Variants in DPEP1 observed in about 807,000 individuals in gnomAD.
DPEP1 encodes the protein dipeptidase 1.
In DPEP1, 50 loss-of-function variants were observed where a neutral mutation model predicts 42.3. The observed-to-expected ratio is 1.18, with a 90% confidence interval of 0.94 to 1.50. The LOEUF (loss-of-function observed/expected upper bound fraction) is 1.50, where lower values mean the gene tolerates loss of function less well. DPEP1 is among the 40% of genes most tolerant of loss of function. DPEP1 has a pLI of 0.00. For synonymous variants in DPEP1, 297 were observed against 234.0 expected (o/e 1.27, Z -2.46); for missense variants, 663 against 553.0 (o/e 1.20, Z -1.99).
intron 1 of DPEP1, chr16:89,616,761 C>G (rs1358721493): frequency 3.7e-6 from 1 of 273,600 alleles, no homozygotes; most frequent in Non-Finnish European, 7.2e-6. Context: ...CAGAGAGCGA[C>G]CAGGAAGCGG....
Position 89,637,833 on chromosome 16 carries a change from C to G in DPEP1, c.930-3C>G. ...GGCCCAGGTTCTCCTGGCCTCAACA[C>G]AGGGTCCCTGAGGGGCTGGAGGACG... On this transcript the variant is annotated splice_region_variant and splice_polypyrimidine_tract_variant and intron_variant, in intron 9 of 10. Coordinates refer to ENST00000690203, the MANE Select transcript of DPEP1 (RefSeq NM_001389466.1). The G allele has an allele frequency of 1.2e-6, 2 of 1,612,752 alleles. No homozygotes were observed. The highest frequency in any genetic ancestry group is 1.7e-6 in the Non-Finnish European group (2 of 1,179,894).
intron 1 of DPEP1, among the ~76,000 whole-genome samples, chr16:89,615,772 G>T (rs1402438985): frequency 3.3e-5 from 5 of 152,182 alleles, no homozygotes; most frequent in African/African-American, 9.6e-5. Context: ...AGCTGCAGCA[G>T]CCAGGCAGGC....
intron 1 of DPEP1, among the ~76,000 whole-genome samples, chr16:89,614,685 C>G (rs2059364689): frequency 6.6e-6 from 1 of 152,324 alleles, no homozygotes; most frequent in East Asian, 1.9e-4. Flanking sequence ...GTCCCAGCTA[C>G]TCGGGAGGCT....
rs781058936 is a variant in DPEP1 at position 89,638,142 on chromosome 16, G to A, written c.1156G>A (p.Gly386Arg). The change falls in exon 11 of 11, where the codon GGG becomes AGG. Residue 386 changes from glycine to arginine, a missense_variant. Coordinates refer to ENST00000690203, the MANE Select transcript of DPEP1 (RefSeq NM_001389466.1). ...CAGGACCCATTACGGCTACTCCTCT[G>A]GGGCTTCCAGCCTCCATCGCCACTG... is the stretch of plus-strand genomic sequence containing the variant. ...SCRTHYGYSSGASSLHRHWGL... is the reference protein window; with the variant it reads ...SCRTHYGYSSRASSLHRHWGL... 2.5e-6 allele frequency: 4 copies of A among 1,611,138 alleles called. No homozygotes were observed. The highest frequency in any genetic ancestry group is 3.4e-6 in the Non-Finnish European group (4 of 1,178,940).
chr16:89,641,519 A>G (rs2059742423), downstream of DPEP1, among the ~76,000 whole-genome samples: 1 of 152,224 alleles, frequency 6.6e-6, no homozygotes, highest in Non-Finnish European at 1.5e-5. Flanking sequence ...ATATTGGAAT[A>G]AAGAGTAATG....
At position 89,637,029 on chromosome 16, in the gene DPEP1, G is replaced by T. The variant is rs1002365396; in HGVS notation, c.591+94G>T. 1.4e-5 allele frequency: 22 copies of T among 1,556,248 alleles called. No homozygotes were observed. In the South Asian group the frequency reaches 2.1e-4, roughly 15 times the overall value. ...ATGCATCTCCTCACGTGGGACCTCA[G>T]TGTCCTTGTCTGTAAAATGGAGCTG... On this transcript the variant is annotated intron_variant, in intron 6 of 10. Coordinates refer to ENST00000690203, the MANE Select transcript of DPEP1 (RefSeq NM_001389466.1).
In DPEP1 at chr16:89,636,044, C is replaced by T. The variant is rs1442096550; in HGVS notation, c.237+4C>T. On this transcript the variant is annotated splice_donor_region_variant and intron_variant, in intron 3 of 10. Coordinates refer to ENST00000690203, the MANE Select transcript of DPEP1 (RefSeq NM_001389466.1). ...GGCCGGCTTTGTGGGAGGCCAGGTACCGCCTGCCCTGCCTTGTGCTTGCCC... is the reference window on the plus strand; with the variant it reads ...GGCCGGCTTTGTGGGAGGCCAGGTATCGCCTGCCCTGCCTTGTGCTTGCCC... The T allele has an allele frequency of 1.2e-6, 2 of 1,604,744 alleles. No homozygotes were observed. Among genetic ancestry groups the T allele is most frequent in the Admixed American group, 1.7e-5 (1 of 59,284 alleles).
At position 89,638,331 on chromosome 16, in the gene DPEP1, A is replaced by G; in HGVS notation, c.*109A>G. 5 of 1,437,690 alleles carry G rather than the reference A, an allele frequency of 3.5e-6. No individual in the cohort carries two copies. The Admixed American group carries it at 1.4e-4, about 41-fold the overall frequency. 89.1% of individuals were successfully genotyped at this position (1,437,690 alleles called of 1,614,324 possible). The stretch of plus-strand genomic sequence containing the variant: ...CTGCTGCCCACATGCAAGGACCAGC[A>G]TCTCCTGAGAGGACGCCTGGGCTTA... On this transcript the variant is annotated 3_prime_UTR_variant, in exon 11 of 11. Coordinates refer to ENST00000690203, the MANE Select transcript of DPEP1 (RefSeq NM_001389466.1).
At chr16:89,620,379 C>G (rs1177583680) in intron 1 of DPEP1, among the ~76,000 whole-genome samples, 1 of 152,122 alleles carries the variant, frequency 6.6e-6, no homozygotes, top group African/African-American at 2.4e-5. Flanking sequence ...CTCTCCATTT[C>G]TCAACCTGCT....
chr16:89,620,644 C>G (rs148743196), intron 1 of DPEP1: 2 of 152,330 alleles, frequency 1.3e-5, no homozygotes, highest in Admixed American at 1.3e-4. Flanking sequence ...TGGAGAGCTC[C>G]GTGGGTGGCA....
rs759994781 is a variant in DPEP1, at chr16:89,637,733, T to C, written c.929+26T>C. On this transcript the variant is annotated intron_variant, in intron 9 of 10. Coordinates refer to ENST00000690203, the MANE Select transcript of DPEP1 (RefSeq NM_001389466.1). ...GTAAGGGGCTGAGAGCTCTGTCCTGTGGATGAGCCGGGAGGTTCATGGCCT... is the reference window on the plus strand; with the variant it reads ...GTAAGGGGCTGAGAGCTCTGTCCTGCGGATGAGCCGGGAGGTTCATGGCCT... 24 of 1,612,786 alleles carry C rather than the reference T, an allele frequency of 1.5e-5. No homozygotes were observed. In the African/African-American group the frequency reaches 2.4e-4, roughly 16 times the overall value.
At chr16:89,620,011 C>G (rs2059429235) in intron 1 of DPEP1, among the ~76,000 whole-genome samples, 1 of 146,550 alleles carries the variant, frequency 6.8e-6, no homozygotes, top group South Asian at 2.3e-4. Context: ...CTGCTTGAAC[C>G]CACTGAGTAT....
intron 2 of DPEP1, among the ~76,000 whole-genome samples, chr16:89,630,853 G>A (rs967276436): frequency 4.6e-5 from 7 of 151,966 alleles, no homozygotes; most frequent in Non-Finnish European, 8.8e-5. Flanking sequence ...TGTGCCCTTG[G>A]GTTGGGGCTC....
At chr16:89,631,836 A>C (rs1209603546) in intron 2 of DPEP1, among the ~76,000 whole-genome samples, 1 of 152,068 alleles carries the variant, frequency 6.6e-6, no homozygotes, top group Admixed American at 6.6e-5. Flanking sequence ...CAGCCTGGGC[A>C]ACAGAGTGAG....
At chr16:89,639,863 G>T (rs916213148), downstream of DPEP1, among the ~76,000 whole-genome samples, 1 of 152,124 alleles carries the variant, frequency 6.6e-6, no homozygotes, top group African/African-American at 2.4e-5. Context: ...TTTTAGTAGA[G>T]ACGAGGTTTC....
chr16:89,631,615 G>A (rs1163353166), intron 2 of DPEP1, among the ~76,000 whole-genome samples: 1 of 152,190 alleles, frequency 6.6e-6, no homozygotes, highest in Non-Finnish European at 1.5e-5. Flanking sequence ...CAGCACTTTG[G>A]GAGGCCGAGG....
intron 1 of DPEP1, among the ~76,000 whole-genome samples, chr16:89,623,006 C>A (rs1191540735): frequency 6.6e-6 from 1 of 152,038 alleles, no homozygotes. Context: ...GTGAGGAAGA[C>A]GCTGAGGTCG....
At chr16:89,636,213 G>A (rs1307876197) in intron 3 of DPEP1, 51 bp from the exon 4 acceptor site, 23 of 1,576,164 alleles carry the variant, frequency 1.5e-5, no homozygotes, top group Non-Finnish European at 2.0e-5. Context: ...CATGCGGGGG[G>A]TGGGCTGAGA....
In DPEP1 at chr16:89,616,913, G is replaced by A. The variant is rs115412929; in HGVS notation, c.-107+3194G>A. On this transcript the variant is annotated intron_variant, in intron 1 of 10. Coordinates refer to ENST00000690203, the MANE Select transcript of DPEP1 (RefSeq NM_001389466.1). ...AGCAGGCAGAGAGCGGCCAGGAAGCGGGTAGGAAGCGGGCAGGTTTTACCG... is the reference window on the plus strand; with the variant it reads ...AGCAGGCAGAGAGCGGCCAGGAAGCAGGTAGGAAGCGGGCAGGTTTTACCG... The A allele has an allele frequency of 7.0e-3, 1,673 of 238,068 alleles. 29 individuals are homozygous for A. Among genetic ancestry groups the A allele is most frequent in the African/African-American group, 0.037 (1,579 of 42,308 alleles). The allele number at this position is 238,068 out of a possible 1,614,324, so 14.7% of individuals were successfully genotyped here.
Sources: allele counts gnomAD v4.1 joint callset (sites outside exome capture counted in the v4.1 genomes callset), GRCh38; gene constraint gnomAD v4.1.1; transcripts MANE v1.5; gene names NCBI Gene and HGNC (gene_info 2026-07-23, HGNC 2026-07-21).